Variants in CCSER1 observed in about 807,000 individuals in gnomAD.
CCSER1 encodes the protein serine-rich coiled-coil domain-containing protein 1.
In CCSER1, 41 loss-of-function variants were observed where a neutral mutation model predicts 82.0. The ratio of observed to expected loss-of-function variants is 0.50; its 90% confidence interval spans 0.39 to 0.65. The LOEUF is 0.65. Among genes scored for constraint, CCSER1 ranks in the 30% least tolerant of loss-of-function variants. CCSER1 has a pLI of 0.00. For missense variants in CCSER1, 1,119 were observed against 1,064.2 expected (o/e 1.05, Z -0.72); for synonymous variants, 414 against 383.9 (o/e 1.08, Z -0.92).
intron 10 of CCSER1, among the ~76,000 whole-genome samples, chr4:91,102,517 G>C (rs951531987): frequency 6.6e-6 from 1 of 152,136 alleles, no homozygotes; most frequent in Non-Finnish European, 1.5e-5. Flanking sequence ...GGACCAAGAA[G>C]GATTACAGTA....
chr4:90,320,955 A>G (rs1203341788), intron 3 of CCSER1, among the ~76,000 whole-genome samples: 4 of 152,126 alleles, frequency 2.6e-5, no homozygotes, highest in Admixed American at 6.6e-5. Flanking sequence ...GGATATATTT[A>G]TGGGGTACAT....
intron 10 of CCSER1, among the ~76,000 whole-genome samples, chr4:91,162,918 T>C (rs893679641): frequency 6.6e-6 from 1 of 152,206 alleles, no homozygotes; most frequent in Non-Finnish European, 1.5e-5. Context: ...GGGTTTTTTG[T>C]GTCTCTATCT....
rs1753837092 is a variant in CCSER1, at chr4:91,424,137, C to G, written c.2218-174435C>G. Among the ~76,000 whole-genome samples the G allele has an allele frequency of 5.3e-5, 8 of 151,154 alleles. No individual in the cohort carries two copies. In the South Asian group the frequency reaches 1.7e-3, roughly 32 times the overall value. ...GTTCACGCCATTCTCCTGCCTCAGC[C>G]TCCCGAGTAGCTGGGACTACAGGCG... On this transcript the variant is annotated intron_variant, in intron 10 of 10. Coordinates refer to ENST00000509176, the MANE Select transcript of CCSER1 (RefSeq NM_001145065.2).
chr4:90,316,317 G>A (rs1055856918), intron 3 of CCSER1, among the ~76,000 whole-genome samples: 3 of 152,132 alleles, frequency 2.0e-5, no homozygotes, highest in Non-Finnish European at 2.9e-5. Context: ...AAATGTATTC[G>A]ATTTAAAATT....
chr4:90,155,056 C>T (rs951399012), intron 1 of CCSER1, among the ~76,000 whole-genome samples: 16 of 152,268 alleles, frequency 1.1e-4, no homozygotes, highest in African/African-American at 2.9e-4. Flanking sequence ...TACATCCCAT[C>T]AATACCTAAT....
At chr4:91,546,179 A>G (rs538255030) in intron 10 of CCSER1, among the ~76,000 whole-genome samples, 1 of 152,236 alleles carries the variant, frequency 6.6e-6, no homozygotes, top group African/African-American at 2.4e-5. Flanking sequence ...TGATTTACTA[A>G]TAGCTTGTTA....
intron 8 of CCSER1, among the ~76,000 whole-genome samples, chr4:90,864,409 T>C (rs1765483691): frequency 6.6e-6 from 1 of 152,012 alleles, no homozygotes; most frequent in African/African-American, 2.4e-5. Flanking sequence ...TCTGCTTTCC[T>C]GAATGGATTC....
chr4:91,602,203 T>G lies in CCSER1; in HGVS notation c.*3146T>G, dbSNP rs1286684032. On this transcript the variant is annotated 3_prime_UTR_variant, in exon 11 of 11. Transcript: ENST00000509176. ...AATTTGTAGGCATAGTTGCCCCACT[T>G]AAAGTGTTTACAAAGATTTTCATGA... Among the ~76,000 whole-genome samples the G allele has an allele frequency of 6.6e-6, 1 of 152,052 alleles. No individual in the cohort carries two copies. Among genetic ancestry groups the G allele is most frequent in the Non-Finnish European group, 1.5e-5 (1 of 67,944 alleles).
At chr4:91,585,555 G>A (rs1763947472) in intron 10 of CCSER1, among the ~76,000 whole-genome samples, 1 of 151,438 alleles carries the variant, frequency 6.6e-6, no homozygotes, top group Non-Finnish European at 1.5e-5. Context: ...TAAAGAGAAT[G>A]TATAGGTTGT....
At chr4:90,356,040 T>A (rs73832773) in intron 3 of CCSER1, among the ~76,000 whole-genome samples, 10,659 of 151,974 alleles carry the variant, frequency 0.07, 561 homozygotes, top group East Asian at 0.18. Flanking sequence ...CTGTATCATT[T>A]GATTCACTTG....
intron 10 of CCSER1, among the ~76,000 whole-genome samples, chr4:91,554,714 G>A (rs1762324604): frequency 6.6e-6 from 1 of 151,090 alleles, no homozygotes; most frequent in Non-Finnish European, 1.5e-5. Flanking sequence ...TTTATATAGA[G>A]CTACAAAAGA....
rs538269838 is a variant in CCSER1 at position 91,213,887 on chromosome 4, C to T, written c.2217+127893C>T. ...GTTGTGGATTCTTCCATGGAAAAGCCCTAACTGTTATTACTGTGCTTGTTA... is the reference window on the plus strand; with the variant it reads ...GTTGTGGATTCTTCCATGGAAAAGCTCTAACTGTTATTACTGTGCTTGTTA... On this transcript the variant is annotated intron_variant, in intron 10 of 10. Transcript: ENST00000509176. Among the ~76,000 whole-genome samples the T allele has an allele frequency of 2.6e-5, 4 of 152,060 alleles. No homozygotes were observed. The South Asian group carries it at 6.2e-4, about 24-fold the overall frequency.
intron 10 of CCSER1, among the ~76,000 whole-genome samples, chr4:91,344,637 G>A (rs1204575851): frequency 2.7e-5 from 4 of 147,706 alleles, no homozygotes; most frequent in African/African-American, 7.9e-5. Context: ...AAACTTTGGA[G>A]TCTACAAAGG....
intron 9 of CCSER1, among the ~76,000 whole-genome samples, chr4:90,984,096 A>G (rs1736366886): frequency 6.6e-6 from 1 of 151,778 alleles, no homozygotes. Context: ...ATGAATAAGT[A>G]CTTGCTGAAT....
At chr4:91,519,998 C>T (rs1047655853) in intron 10 of CCSER1, among the ~76,000 whole-genome samples, 3 of 152,058 alleles carry the variant, frequency 2.0e-5, no homozygotes, top group Non-Finnish European at 4.4e-5. Context: ...AGTATTTTGT[C>T]AATTTACATT....
intron 5 of CCSER1, among the ~76,000 whole-genome samples, chr4:90,599,513 C>A (rs1783792219): frequency 6.6e-6 from 1 of 152,112 alleles, no homozygotes; most frequent in African/African-American, 2.4e-5. Context: ...GGTAGTATCT[C>A]CATAGCAGTG....
intron 6 of CCSER1, among the ~76,000 whole-genome samples, chr4:90,709,727 T>G (rs1740127906): frequency 6.6e-6 from 1 of 152,204 alleles, no homozygotes; most frequent in South Asian, 2.1e-4. Flanking sequence ...CTATTGTGAA[T>G]AGTGCTGCAG....
chr4:91,225,817 A>G (rs1738153117), intron 10 of CCSER1, among the ~76,000 whole-genome samples: 1 of 151,860 alleles, frequency 6.6e-6, no homozygotes, highest in African/African-American at 2.4e-5. Flanking sequence ...CATACTCAGA[A>G]AAAACCTTTA....
chr4:90,569,637 A>G (rs1431540592), intron 5 of CCSER1, among the ~76,000 whole-genome samples: 1 of 152,206 alleles, frequency 6.6e-6, no homozygotes, highest in Non-Finnish European at 1.5e-5. Context: ...CCCAAAGAAC[A>G]GACAGAGGCA....
Sources: gnomAD v4.1 joint callset for allele counts (sites outside exome capture counted in the v4.1 genomes callset) on GRCh38, gnomAD v4.1.1 for gene constraint, MANE v1.5 for transcripts, NCBI Gene and HGNC (gene_info 2026-07-23, HGNC 2026-07-21) for gene names.